P2RX3: variants seen among roughly 807,000 people sequenced by gnomAD.
P2RX3 encodes the protein purinergic receptor P2X 3, also known as P2X purinoceptor 3.
A neutral mutation model predicts 51.5 loss-of-function variants in P2RX3; 41 were observed. The observed-to-expected ratio is 0.80, with a 90% CI of 0.62 to 1.03. P2RX3 has a LOEUF of 1.03. P2RX3 is among the 50% of genes least tolerant of loss of function. P2RX3 has a pLI of 0.00. For synonymous variants in P2RX3, 185 were observed against 191.6 expected (o/e 0.97, Z 0.29); for missense variants, 459 against 522.1 (o/e 0.88, Z 1.18).
intron 8 of P2RX3, among the ~76,000 whole-genome samples, chr11:57,352,607 C>T (rs1312974031): frequency 6.6e-6 from 1 of 152,052 alleles, no homozygotes; most frequent in Non-Finnish European, 1.5e-5. Context: ...TTATAAAGAC[C>T]CCCAACTACT....
rs751532702 is a variant in P2RX3 at position 57,369,444 on chromosome 11, T to C, written c.1080+6T>C. The C allele has an allele frequency of 8.1e-6, 13 of 1,601,792 alleles. No individual in the cohort carries two copies. The Admixed American group carries it at 1.7e-4, about 21-fold the overall frequency. On this transcript the variant is annotated splice_donor_region_variant and intron_variant, in intron 11 of 11. Coordinates refer to ENST00000263314, the MANE Select transcript of P2RX3 (RefSeq NM_002559.5). The stretch of plus-strand genomic sequence containing the variant: ...AAGCCAAGAAGTTTGAGGAGGTGAG[T>C]TGGGGAAGGGGCACCCTTGGATAAA...
Position 57,346,590 on chromosome 11 carries a change from A to G in P2RX3, c.166A>G (p.Ile56Val), listed in dbSNP as rs760488130. ...EKAYQVRDTA[I>V]ESSVVTKVKG... ...GGCTTACCAGGTACGGGACACAGCC[A>G]TTGAGTCCTCGGTGGTAACCAAGGT... Residue 56 changes from isoleucine (I) to valine (V), a missense_variant, in exon 2 of 12, where the codon ATT becomes GTT. Transcript: ENST00000263314. The G allele has an allele frequency of 8.1e-6, 13 of 1,613,964 alleles. 1 individual carries two copies. In the South Asian group the frequency reaches 1.2e-4, roughly 15 times the overall value.
At chr11:57,362,289 C>G (rs1214999592) in intron 8 of P2RX3, among the ~76,000 whole-genome samples, 1 of 152,166 alleles carries the variant, frequency 6.6e-6, no homozygotes, top group Non-Finnish European at 1.5e-5. Flanking sequence ...GCAGATAAGG[C>G]AGGTGGACTG....
At chr11:57,350,715 G>A in intron 7 of P2RX3, 47 bp from the exon 8 acceptor site, 1 of 1,605,504 alleles carries the variant, frequency 6.2e-7, no homozygotes, top group Non-Finnish European at 8.5e-7. Context: ...CCCAGAGCAG[G>A]GAGTCAGAGG....
intron 8 of P2RX3, among the ~76,000 whole-genome samples, chr11:57,367,018 A>G (rs1037237801): frequency 4.6e-5 from 7 of 152,192 alleles, no homozygotes; most frequent in African/African-American, 2.4e-5. Context: ...CCATAGCACT[A>G]TCCCAAAGGT....
intron 8 of P2RX3, among the ~76,000 whole-genome samples, chr11:57,366,709 G>A (rs1856801872): frequency 6.6e-6 from 1 of 152,178 alleles, no homozygotes; most frequent in Non-Finnish European, 1.5e-5. Flanking sequence ...CCAAGGCTGT[G>A]GAGCCAGACG....
At chr11:57,345,934 C>A (rs537469386) in intron 1 of P2RX3, among the ~76,000 whole-genome samples, 8 of 151,742 alleles carry the variant, frequency 5.3e-5, no homozygotes, top group East Asian at 1.9e-4. Flanking sequence ...GCCGCTGTCC[C>A]CCGCTTCCTC....
In P2RX3 at chr11:57,338,535, T is replaced by G. The variant is rs1427849360; in HGVS notation, c.-16T>G. ...ACTGGGCCCCCTTCTGAGTGTCCCC[T>G]GAGCACTCTCTCAGCATGAACTGCA... On this transcript the variant is annotated 5_prime_UTR_variant, in exon 1 of 12. Transcript: ENST00000263314. 1 of 1,565,928 alleles carries G rather than the reference T, an allele frequency of 6.4e-7. No individual in the cohort carries two copies.
At chr11:57,363,931 A>G (rs1355034414) in intron 8 of P2RX3, among the ~76,000 whole-genome samples, 3 of 152,190 alleles carry the variant, frequency 2.0e-5, no homozygotes, top group Non-Finnish European at 4.4e-5. Flanking sequence ...TGCCTCTTGG[A>G]AGGCAGGTGC....
intron 1 of P2RX3, 27 bp from the exon 2 acceptor site, chr11:57,346,517 C>T: frequency 6.2e-7 from 1 of 1,611,620 alleles, no homozygotes; most frequent in Non-Finnish European, 8.5e-7. Context: ...TCCTCTCTTT[C>T]TCTTCATTTA....
intron 1 of P2RX3, among the ~76,000 whole-genome samples, chr11:57,341,794 G>A (rs1856344578): frequency 6.6e-6 from 1 of 152,128 alleles, no homozygotes; most frequent in African/African-American, 2.4e-5. Context: ...CCATTGTGCT[G>A]AAGGGTCACT....
intron 8 of P2RX3, among the ~76,000 whole-genome samples, chr11:57,352,218 C>T (rs1856559965): frequency 6.6e-6 from 1 of 151,974 alleles, no homozygotes; most frequent in African/African-American, 2.4e-5. Context: ...AAAATAATCA[C>T]CCACCCCATT....
At chr11:57,364,138 C>G (rs1856762534) in intron 8 of P2RX3, among the ~76,000 whole-genome samples, 1 of 152,166 alleles carries the variant, frequency 6.6e-6, no homozygotes, top group South Asian at 2.1e-4. Flanking sequence ...ATGACAGGCC[C>G]AGCCTCTGCC....
intron 1 of P2RX3, among the ~76,000 whole-genome samples, chr11:57,343,067 C>T (rs1041505607): frequency 1.3e-5 from 2 of 152,216 alleles, no homozygotes; most frequent in Admixed American, 6.5e-5. Flanking sequence ...GCTCCTGAGC[C>T]CTGGCCTCCA....
At chr11:57,336,444 G>A (rs1452475093), upstream of P2RX3, among the ~76,000 whole-genome samples, 1 of 152,208 alleles carries the variant, frequency 6.6e-6, no homozygotes, top group African/African-American at 2.4e-5. Flanking sequence ...CTTGGAGCCA[G>A]AACTGATTTG....
intron 8 of P2RX3, among the ~76,000 whole-genome samples, chr11:57,363,087 C>T (rs1042768148): frequency 1.3e-5 from 2 of 152,164 alleles, no homozygotes; most frequent in African/African-American, 2.4e-5. Context: ...TCAGAGAAGT[C>T]GAATGACCTT....
chr11:57,350,934 G>C, intron 8 of P2RX3, 36 bp downstream of exon 8: 1 of 1,613,806 alleles, frequency 6.2e-7, no homozygotes, highest in Non-Finnish European at 8.5e-7. Context: ...AGGAGAAGAA[G>C]GTGCGGGCTG....
intron 8 of P2RX3, among the ~76,000 whole-genome samples, chr11:57,367,578 A>G (rs973213177): frequency 6.6e-6 from 1 of 152,122 alleles, no homozygotes; most frequent in African/African-American, 2.4e-5. Context: ...AAAATTAGCC[A>G]GGGATGGTGG....
rs1049964826 is a variant in P2RX3 at position 57,351,015 on chromosome 11, T to G, written c.842+117T>G. The G allele has an allele frequency of 2.8e-6, 4 of 1,435,508 alleles. No homozygotes were observed. In the African/African-American group the frequency reaches 4.2e-5, roughly 15 times the overall value. The allele number at this position is 1,435,508 out of a possible 1,614,324, so 88.9% of individuals were successfully genotyped here. On this transcript the variant is annotated intron_variant, in intron 8 of 11. Transcript: ENST00000263314. ...CCCACCCCTGGCCCCAAGTCCCACC[T>G]CAGGTTTCATTTCAAATCAGGAAGG...
Sources: gnomAD v4.1 joint callset for allele counts (sites outside exome capture counted in the v4.1 genomes callset) on GRCh38, gnomAD v4.1.1 for gene constraint, MANE v1.5 for transcripts, NCBI Gene and HGNC (gene_info 2026-07-23, HGNC 2026-07-21) for gene names.